The following CXCL13 variants were observed in gnomAD, a reference collection of about 807,000 sequenced individuals.
CXCL13 encodes C-X-C motif chemokine ligand 13.
Under a neutral mutation model 12.2 loss-of-function variants are expected in CXCL13, and 7 were observed. That is an observed-to-expected ratio of 0.57 (90% CI 0.33 to 1.07). The LOEUF (loss-of-function observed/expected upper bound fraction) is 1.07. Ranked by LOEUF, CXCL13 falls within the 50% of genes least tolerant of loss-of-function variation. The pLI, the probability that CXCL13 is intolerant of heterozygous loss-of-function variation, is 0.04. For synonymous variants in CXCL13, 47 were observed against 42.4 expected, an observed-to-expected ratio of 1.11 and a Z score of -0.42; for missense variants, 113 against 127.4, an observed-to-expected ratio of 0.89 and a Z score of 0.55.
chr4:77,512,395 C>T (rs987292448), intron 1 of CXCL13, among the ~76,000 whole-genome samples: 53 of 152,294 alleles, frequency 3.5e-4, no homozygotes, highest in Middle Eastern at 3.4e-3. Context: ...GCTTCCATAG[C>T]ACAGTAACAC....
intron 1 of CXCL13, among the ~76,000 whole-genome samples, chr4:77,579,444 C>T (rs1479151815): frequency 6.6e-6 from 1 of 152,156 alleles, no homozygotes; most frequent in East Asian, 1.9e-4. Flanking sequence ...AGCCTCAACA[C>T]TTTGTGAAGT....
chr4:77,585,974 A>G (rs1226767278), intron 1 of CXCL13, among the ~76,000 whole-genome samples: 1 of 152,184 alleles, frequency 6.6e-6, no homozygotes, highest in East Asian at 1.9e-4. Flanking sequence ...AACTGTCAAA[A>G]CAGGCTTGCA....
chr4:77,531,097 C>CTTT (rs1343556278), intron 1 of CXCL13, among the ~76,000 whole-genome samples: 2 of 132,820 alleles, frequency 1.5e-5, no homozygotes, highest in Non-Finnish European at 3.2e-5. Flanking sequence ...GAGTGAGTTT[C>CTTT]TTTATTATTA....
At chr4:77,568,550 G>C (rs1355406864) in intron 1 of CXCL13, among the ~76,000 whole-genome samples, 2 of 152,166 alleles carry the variant, frequency 1.3e-5, no homozygotes, top group African/African-American at 2.4e-5. Context: ...GCTTTCTTGT[G>C]AGAGGTCCCC....
intron 1 of CXCL13, among the ~76,000 whole-genome samples, chr4:77,541,048 G>A (rs1725195061): frequency 6.6e-6 from 1 of 152,142 alleles, no homozygotes; most frequent in Admixed American, 6.5e-5. Flanking sequence ...CTGCTTGTAT[G>A]TTGTCTTTTG....
At chr4:77,530,212 A>G (rs1210817411) in intron 1 of CXCL13, among the ~76,000 whole-genome samples, 1 of 152,192 alleles carries the variant, frequency 6.6e-6, no homozygotes, top group Non-Finnish European at 1.5e-5. Flanking sequence ...ATCGATGTTC[A>G]TCAGGGATAT....
At chr4:77,604,703 A>G (rs189539536), upstream of CXCL13, among the ~76,000 whole-genome samples, 29 of 152,248 alleles carry the variant, frequency 1.9e-4, no homozygotes, top group Non-Finnish European at 4.1e-4. Context: ...TTTTGTGTGA[A>G]GGTTGTGTGG....
rs578023049 is a variant in CXCL13, at chr4:77,545,154, G to T, written c.-43+33366G>T. ...ATGCTGTTTTGGTTACTGTAGCCTT[G>T]TAATATAGTTTGAAGTCAGGTAGGG... On this transcript the variant is annotated intron_variant, in intron 1 of 4. Coordinates refer to the CXCL13 transcript ENST00000286758. Among the ~76,000 whole-genome samples the T allele has an allele frequency of 4.6e-4, 70 of 152,238 alleles. 1 individual carries two copies. Among genetic ancestry groups the T allele is most frequent in the Admixed American group, 4.4e-3 (68 of 15,290 alleles).
At chr4:77,556,173 A>G (rs1725652693) in intron 1 of CXCL13, among the ~76,000 whole-genome samples, 1 of 152,260 alleles carries the variant, frequency 6.6e-6, no homozygotes, top group Non-Finnish European at 1.5e-5. Flanking sequence ...AGCTTTATTC[A>G]TAATATCCTA....
intron 1 of CXCL13, among the ~76,000 whole-genome samples, chr4:77,517,250 G>A (rs1270002103): frequency 2.0e-5 from 3 of 152,300 alleles, no homozygotes; most frequent in East Asian, 3.9e-4. Flanking sequence ...TTTGGAATAG[G>A]TGTGGTGTGG....
intron 1 of CXCL13, among the ~76,000 whole-genome samples, chr4:77,513,806 T>C (rs1424467989): frequency 4.2e-4 from 33 of 78,006 alleles, no homozygotes; most frequent in Admixed American, 2.3e-3. Flanking sequence ...TGGTATCTCT[T>C]TTTTTTTTTT....
intron 1 of CXCL13, among the ~76,000 whole-genome samples, chr4:77,596,785 CAAAAAA>C (rs1024280441): frequency 4.6e-5 from 3 of 64,772 alleles, no homozygotes; most frequent in Non-Finnish European, 6.7e-5. Context: ...GACTCTGTCT[CAAAAAA>C]AAAAAAAAAA....
At chr4:77,552,253 T>C (rs1166481998) in intron 1 of CXCL13, among the ~76,000 whole-genome samples, 1 of 152,166 alleles carries the variant, frequency 6.6e-6, no homozygotes, top group African/African-American at 2.4e-5. Context: ...GGATTTTTTG[T>C]TTTTCTTTCT....
At chr4:77,517,593 G>A (rs1688296673) in intron 1 of CXCL13, among the ~76,000 whole-genome samples, 1 of 152,138 alleles carries the variant, frequency 6.6e-6, no homozygotes, top group South Asian at 2.1e-4. Context: ...ATCTTTGTTG[G>A]TTTAAAGTCT....
chr4:77,532,302 A>G (rs542310684), intron 1 of CXCL13, among the ~76,000 whole-genome samples: 1 of 152,126 alleles, frequency 6.6e-6, no homozygotes, highest in Non-Finnish European at 1.5e-5. Flanking sequence ...TCCTTCACTT[A>G]TGAAGCTTAG....
intron 1 of CXCL13, among the ~76,000 whole-genome samples, chr4:77,571,611 G>C (rs1726082069): frequency 6.6e-6 from 1 of 151,786 alleles, no homozygotes. Flanking sequence ...TTTGTATCTA[G>C]CTCAGGGATT....
chr4:77,567,270 C>A (rs539855120), intron 1 of CXCL13, among the ~76,000 whole-genome samples: 1 of 152,320 alleles, frequency 6.6e-6, no homozygotes, highest in South Asian at 2.1e-4. Context: ...CCTTTGCTGA[C>A]TCTCTTTTCA....
chr4:77,582,572 A>G (rs1726365434), intron 1 of CXCL13, among the ~76,000 whole-genome samples: 1 of 152,216 alleles, frequency 6.6e-6, no homozygotes. Context: ...TTGACGTAGG[A>G]ACTAAGAGAA....
chr4:77,551,107 C>CA (rs1322294874), intron 1 of CXCL13, among the ~76,000 whole-genome samples: 1 of 152,120 alleles, frequency 6.6e-6, no homozygotes, highest in Admixed American at 6.6e-5. Flanking sequence ...TTAAGTGGGG[C>CA]ATTTAGACCA....
Sources: gnomAD v4.1 joint callset for allele counts (sites outside exome capture counted in the v4.1 genomes callset) on GRCh38, gnomAD v4.1.1 for gene constraint, MANE v1.5 for transcripts, NCBI Gene and HGNC (gene_info 2026-07-23, HGNC 2026-07-21) for gene names.